Variants in NRP1 observed in about 807,000 individuals in gnomAD.
NRP1 encodes the protein neuropilin-1.
In NRP1, 35 loss-of-function variants were observed where a neutral mutation model predicts 106.7. The observed-to-expected ratio is 0.33, with a 90% CI of 0.25 to 0.43. The LOEUF is 0.43. Ranked by LOEUF, NRP1 falls within the 20% of genes least tolerant of loss-of-function variation. The pLI is 1.00. For synonymous variants in NRP1, 437 were observed against 417.9 expected (o/e 1.05, Z -0.56); for missense variants, 1,024 against 1,170.4 (o/e 0.87, Z 1.83).
At chr10:33,213,338 G>A (rs771965012) in intron 9 of NRP1, 48 bp downstream of exon 9, 2 of 1,614,130 alleles carry the variant, frequency 1.2e-6, no homozygotes, top group Non-Finnish European at 1.7e-6. Context: ...GCCCTTGATT[G>A]AAGTCAAGGA....
At chr10:33,312,840 T>C (rs1398729740) in intron 2 of NRP1, among the ~76,000 whole-genome samples, 4 of 152,212 alleles carry the variant, frequency 2.6e-5, no homozygotes, top group Admixed American at 6.5e-5. Flanking sequence ...TACAAGCTAA[T>C]GTTAATGAGC....
intron 2 of NRP1, among the ~76,000 whole-genome samples, chr10:33,276,739 G>A (rs903878814): frequency 4.6e-5 from 7 of 151,976 alleles, no homozygotes; most frequent in African/African-American, 1.7e-4. Flanking sequence ...TTTTTCCACT[G>A]GTTATTGTTG....
At chr10:33,265,344 T>C (rs926052170) in intron 3 of NRP1, among the ~76,000 whole-genome samples, 2 of 152,230 alleles carry the variant, frequency 1.3e-5, no homozygotes, top group African/African-American at 4.8e-5. Flanking sequence ...TTTCTCACAG[T>C]GGCTTGAAGG....
At chr10:33,321,080 G>T (rs1021443728) in intron 2 of NRP1, among the ~76,000 whole-genome samples, 1 of 152,126 alleles carries the variant, frequency 6.6e-6, no homozygotes, top group Admixed American at 6.5e-5. Context: ...TCTGCTTCCC[G>T]GGTTCAAGCG....
chr10:33,196,152 A>G (rs1282018006), intron 12 of NRP1, among the ~76,000 whole-genome samples: 3 of 152,152 alleles, frequency 2.0e-5, no homozygotes, highest in Non-Finnish European at 4.4e-5. Context: ...TTTTCTACAC[A>G]GCTGTTGTTC....
At chr10:33,247,264 A>T (rs990103181) in intron 6 of NRP1, among the ~76,000 whole-genome samples, 20 of 152,304 alleles carry the variant, frequency 1.3e-4, no homozygotes, top group Admixed American at 9.2e-4. Context: ...TTTTCAGAGG[A>T]AATATTTCCA....
intron 6 of NRP1, among the ~76,000 whole-genome samples, chr10:33,227,347 C>A (rs1217161793): frequency 1.3e-5 from 2 of 152,156 alleles, no homozygotes; most frequent in Non-Finnish European, 2.9e-5. Flanking sequence ...ACATTAAATG[C>A]AGACTGAAAC....
At chr10:33,189,181 C>T (rs1340530709) in intron 13 of NRP1, among the ~76,000 whole-genome samples, 1 of 151,876 alleles carries the variant, frequency 6.6e-6, no homozygotes, top group Non-Finnish European at 1.5e-5. Context: ...ACACCCGATC[C>T]ACAAACTTCT....
intron 2 of NRP1, among the ~76,000 whole-genome samples, chr10:33,291,641 T>G (rs1400040968): frequency 6.6e-6 from 1 of 152,190 alleles, no homozygotes; most frequent in Non-Finnish European, 1.5e-5. Flanking sequence ...TTGATAGATA[T>G]GGTGTTGGCA....
At chr10:33,200,274 G>A (rs1216033560) in intron 11 of NRP1, among the ~76,000 whole-genome samples, 2 of 152,158 alleles carry the variant, frequency 1.3e-5, no homozygotes, top group African/African-American at 2.4e-5. Flanking sequence ...GTAAAATTTG[G>A]CTGCCTGGTG....
intron 8 of NRP1, among the ~76,000 whole-genome samples, chr10:33,220,095 C>T (rs1839107591): frequency 6.6e-6 from 1 of 152,122 alleles, no homozygotes; most frequent in Non-Finnish European, 1.5e-5. Context: ...AAATAATAAA[C>T]AAGTCTGTCT....
rs544688683 is a variant in NRP1, at chr10:33,274,454, T to G, written c.249-3598A>C. ...TTTTTCTTTGGGAAAGTTTGAATTA[T>G]GGGTTTAGGAAAATGGCCAAGTAAG... On this transcript the variant is annotated intron_variant, in intron 2 of 16. Transcript: ENST00000374867. Among the ~76,000 whole-genome samples the G allele has an allele frequency of 3.7e-3, 569 of 152,284 alleles. 1 individual carries two copies. The highest frequency in any genetic ancestry group is 5.5e-3 in the Non-Finnish European group (374 of 68,026).
At chr10:33,195,398 T>C (rs1183105919) in intron 12 of NRP1, 6 of 413,208 alleles carry the variant, frequency 1.5e-5, no homozygotes, top group East Asian at 1.4e-4. Context: ...CTTTTATGCA[T>C]CTGATTACAT....
intron 2 of NRP1, among the ~76,000 whole-genome samples, chr10:33,271,967 TACTTA>T (rs1371038814): frequency 2.6e-5 from 4 of 152,232 alleles, no homozygotes; most frequent in Non-Finnish European, 5.9e-5. Context: ...TTTATTTCTG[TACTTA>T]ACTTGGTTCA....
intron 2 of NRP1, among the ~76,000 whole-genome samples, chr10:33,317,487 G>C (rs550336047): frequency 5.3e-5 from 8 of 152,142 alleles, no homozygotes; most frequent in Non-Finnish European, 1.0e-4. Flanking sequence ...GCTGCCTTTC[G>C]CTATGGATTT....
intron 6 of NRP1, 56 bp from the exon 7 acceptor site, chr10:33,226,345 A>G: frequency 6.3e-7 from 1 of 1,586,368 alleles, no homozygotes. Context: ...CAGTAACCCA[A>G]AGCATCTTTT....
chr10:33,334,215 G>T (rs1848472031), intron 1 of NRP1, 95 bp downstream of exon 1: 3 of 1,158,524 alleles, frequency 2.6e-6, no homozygotes, highest in Non-Finnish European at 3.7e-6. Context: ...GGTTGTTCCC[G>T]GCTGATCCCG....
chr10:33,202,585 T>C (rs1342963541), intron 11 of NRP1: 1 of 872,520 alleles, frequency 1.1e-6, no homozygotes, highest in African/African-American at 1.8e-5. Flanking sequence ...GGTCTGAAAA[T>C]AATGAAAATA....
chr10:33,273,873 G>T (rs1004732706), intron 2 of NRP1, among the ~76,000 whole-genome samples: 1 of 152,140 alleles, frequency 6.6e-6, no homozygotes, highest in Non-Finnish European at 1.5e-5. Flanking sequence ...TCTATGCAGG[G>T]TCTTTTTCTC....
Sources: allele counts gnomAD v4.1 joint callset (sites outside exome capture counted in the v4.1 genomes callset), GRCh38; gene constraint gnomAD v4.1.1; transcripts MANE v1.5; gene names NCBI Gene and HGNC (gene_info 2026-07-23, HGNC 2026-07-21).